RBM47: variants seen among roughly 807,000 people sequenced by gnomAD.
RBM47 encodes the protein RNA-binding protein 47.
RBM47 carries 21 observed loss-of-function variants against 47.1 expected under a neutral mutation model. That is an observed-to-expected ratio of 0.45 (90% CI 0.32 to 0.64). The LOEUF is 0.64. Among genes scored for constraint, RBM47 ranks in the 30% least tolerant of loss-of-function variants. The pLI is 0.05. For synonymous variants in RBM47, 375 were observed against 361.7 expected, an observed-to-expected ratio of 1.04 and a Z score of -0.42; for missense variants, 708 against 870.9, an observed-to-expected ratio of 0.81 and a Z score of 2.35.
intron 6 of RBM47, chr4:40,427,556 A>G (rs1240644901): frequency 2.0e-5 from 3 of 152,226 alleles, no homozygotes; most frequent in African/African-American, 4.8e-5. Flanking sequence ...GAGATTCTGA[A>G]TAAAATAAAA....
chr4:40,526,292 T>C (rs1163928117), intron 2 of RBM47, among the ~76,000 whole-genome samples: 3 of 152,186 alleles, frequency 2.0e-5, no homozygotes, highest in Non-Finnish European at 4.4e-5. Context: ...GGTCCCCATC[T>C]ACTCCCCGCC....
chr4:40,491,921 C>G (rs1426052050), intron 2 of RBM47: 1 of 158,038 alleles, frequency 6.3e-6, no homozygotes, highest in Non-Finnish European at 1.4e-5. Context: ...CAGGACTGAT[C>G]ATATGGGGCG....
At chr4:40,463,984 T>C (rs1488911454) in intron 3 of RBM47, among the ~76,000 whole-genome samples, 1 of 152,150 alleles carries the variant, frequency 6.6e-6, no homozygotes, top group African/African-American at 2.4e-5. Flanking sequence ...CAGTGTTCAT[T>C]AGTCAATTCT....
At chr4:40,481,832 G>A (rs115913472) in intron 2 of RBM47, among the ~76,000 whole-genome samples, 1,568 of 152,278 alleles carry the variant, frequency 0.01, 20 homozygotes, top group East Asian at 0.033. Flanking sequence ...GATTACAGGC[G>A]TGAGCCTCCG....
chr4:40,564,314 C>A (rs765166811), intron 1 of RBM47, among the ~76,000 whole-genome samples: 22 of 152,174 alleles, frequency 1.4e-4, no homozygotes, highest in Admixed American at 5.9e-4. Flanking sequence ...GCAACCTTGG[C>A]CATCATATGA....
In RBM47 at chr4:40,628,434, C is replaced by T; in HGVS notation, c.-240+962G>A. Among the ~76,000 whole-genome samples, 1 of 152,160 alleles carries T rather than the reference C, an allele frequency of 6.6e-6. No homozygotes were observed. Among genetic ancestry groups the T allele is most frequent in the Non-Finnish European group, 1.5e-5 (1 of 68,024 alleles). On this transcript the variant is annotated intron_variant, in intron 1 of 6. Transcript: ENST00000295971. The surrounding 1 kb of genome is among the most constrained non-coding windows in gnomAD (Gnocchi z 4.0). ...TAGAGGTTGTGTGTTACGCCGCTGA[C>T]CACCTTTCACCTTTTAGAATCGGCA...
chr4:40,603,868 C>G lies in RBM47; in HGVS notation c.-240+25528G>C, dbSNP rs1340497655. 4.6e-5 allele frequency among the ~76,000 whole-genome samples: 7 copies of G among 152,218 alleles called. No homozygotes were observed. The East Asian group carries it at 1.3e-3, about 29-fold the overall frequency. On this transcript the variant is annotated intron_variant, in intron 1 of 6. Coordinates refer to ENST00000295971, the MANE Select transcript of RBM47 (RefSeq NM_001098634.2). ...CTGCCTGCCTCGGCCTCCCAAAATTCTGGGATTACAGGCGTGAGCCACACT... is the reference window on the plus strand; with the variant it reads ...CTGCCTGCCTCGGCCTCCCAAAATTGTGGGATTACAGGCGTGAGCCACACT...
chr4:40,605,642 C>A (rs1316305186), intron 1 of RBM47, among the ~76,000 whole-genome samples: 1 of 151,842 alleles, frequency 6.6e-6, no homozygotes, highest in Non-Finnish European at 1.5e-5. Flanking sequence ...ACCAGCCTGG[C>A]CAACATGGTG....
chr4:40,604,499 T>C (rs1473027912), intron 1 of RBM47, among the ~76,000 whole-genome samples: 3 of 152,146 alleles, frequency 2.0e-5, no homozygotes, highest in Admixed American at 2.0e-4. Context: ...TGGTGGTACC[T>C]GCCTGTAGTC....
At chr4:40,477,581 G>C (rs1719801510) in intron 2 of RBM47, among the ~76,000 whole-genome samples, 2 of 152,158 alleles carry the variant, frequency 1.3e-5, no homozygotes, top group Non-Finnish European at 2.9e-5. Flanking sequence ...AAGCATTAGA[G>C]AGTATTCTGA....
intron 5 of RBM47, among the ~76,000 whole-genome samples, chr4:40,436,184 AAAC>A (rs1340263922): frequency 1.7e-4 from 8 of 47,972 alleles, no homozygotes; most frequent in African/African-American, 4.4e-4. Context: ...AAAAAAAAAA[AAAC>A]AAACAAACAA....
chr4:40,511,265 C>T (rs1017887210), intron 2 of RBM47, among the ~76,000 whole-genome samples: 2 of 152,180 alleles, frequency 1.3e-5, no homozygotes, highest in African/African-American at 4.8e-5. Context: ...TCAGAAAAGA[C>T]AGCAGGCCTG....
intron 1 of RBM47, among the ~76,000 whole-genome samples, chr4:40,570,258 A>C (rs185793717): frequency 6.6e-6 from 1 of 152,032 alleles, no homozygotes; most frequent in Admixed American, 6.6e-5. Context: ...ATTGCAGTAC[A>C]TAATGAAATA....
At chr4:40,434,017 G>A (rs560678314) in intron 5 of RBM47, among the ~76,000 whole-genome samples, 10,476 of 132,342 alleles carry the variant, frequency 0.079, 1,657 homozygotes, top group African/African-American at 0.15. Flanking sequence ...GTGTGTGTGT[G>A]TGTGTGTGTG....
chr4:40,611,431 C>G (rs1351392900), intron 1 of RBM47, among the ~76,000 whole-genome samples: 1 of 151,924 alleles, frequency 6.6e-6, no homozygotes, highest in Non-Finnish European at 1.5e-5. Context: ...AAAACAACAA[C>G]AAAAAACCCA....
intron 2 of RBM47, among the ~76,000 whole-genome samples, chr4:40,500,320 A>ACC (rs1560423264): frequency 6.7e-6 from 1 of 150,018 alleles, no homozygotes; most frequent in Non-Finnish European, 1.5e-5. Flanking sequence ...TCCCCCCCCA[A>ACC]AAAAAAAAGG....
chr4:40,578,100 C>T (rs796228903), intron 1 of RBM47, among the ~76,000 whole-genome samples: 40 of 152,328 alleles, frequency 2.6e-4, no homozygotes, highest in African/African-American at 9.4e-4. Flanking sequence ...TTCCACATCA[C>T]AAAACAGAAA....
intron 1 of RBM47, among the ~76,000 whole-genome samples, chr4:40,568,170 A>C (rs915178554): frequency 4.0e-5 from 6 of 151,814 alleles, no homozygotes; most frequent in Non-Finnish European, 7.4e-5. Context: ...TGCCACCTGT[A>C]ATCCCAGCAC....
chr4:40,551,401 C>A (rs1299318633), intron 1 of RBM47, among the ~76,000 whole-genome samples: 1 of 152,118 alleles, frequency 6.6e-6, no homozygotes, highest in African/African-American at 2.4e-5. Context: ...AGCAGAACTG[C>A]AAACTCCGAT....
Sources: gnomAD v4.1 joint callset for allele counts (sites outside exome capture counted in the v4.1 genomes callset) on GRCh38, gnomAD v4.1.1 for gene constraint, Gnocchi (gnomAD v3.1) non-coding constraint, MANE v1.5 for transcripts, NCBI Gene and HGNC (gene_info 2026-07-23, HGNC 2026-07-21) for gene names.